The following CACNA2D3 variants were observed in gnomAD, a reference collection of about 807,000 sequenced individuals.
The protein encoded by CACNA2D3 is calcium voltage-gated channel auxiliary subunit alpha2delta 3, also known as voltage-dependent calcium channel subunit alpha-2/delta-3.
CACNA2D3 carries 60 observed loss-of-function variants against 160.6 expected under a neutral mutation model. The observed-to-expected ratio is 0.37, with a 90% CI of 0.30 to 0.46. The LOEUF (loss-of-function observed/expected upper bound fraction) is 0.46. Among genes scored for constraint, CACNA2D3 ranks in the 20% least tolerant of loss-of-function variants. CACNA2D3 has a pLI of 1.00. For synonymous variants in CACNA2D3, 558 were observed against 492.9 expected (o/e 1.13, Z -1.75); for missense variants, 1,205 against 1,365.0 (o/e 0.88, Z 1.85).
intron 11 of CACNA2D3, among the ~76,000 whole-genome samples, chr3:54,716,900 G>C (rs892717124): frequency 3.5e-4 from 45 of 129,442 alleles, no homozygotes; most frequent in African/African-American, 1.0e-3. Context: ...CGCAAAACTT[G>C]TGTGGCACTT....
intron 11 of CACNA2D3, among the ~76,000 whole-genome samples, chr3:54,671,789 T>C (rs1041641028): frequency 6.6e-6 from 1 of 152,076 alleles, no homozygotes; most frequent in African/African-American, 2.4e-5. Flanking sequence ...TGCTTGCAAA[T>C]TGGGAGGTTG....
rs138087137 is a variant in CACNA2D3 at position 54,541,015 on chromosome 3, C to T, written c.545-21785C>T. ...AAGGGAGGCCGAGCGTGGTGGCTCA[C>T]GCCTGTAATCCCAGCACTTTGGGAG... On this transcript the variant is annotated intron_variant, in intron 5 of 37. Transcript: ENST00000474759. 9.6e-3 allele frequency among the ~76,000 whole-genome samples: 1,463 copies of T among 152,144 alleles called. 56 individuals are homozygous for T. In the East Asian group the frequency reaches 0.11, roughly 11 times the overall value.
rs1009077682 is a variant in CACNA2D3, at chr3:55,074,328, C to T, written c.*122C>T. 6.3e-5 allele frequency: 49 copies of T among 783,952 alleles called. No homozygotes were observed. Among genetic ancestry groups the T allele is most frequent in the Non-Finnish European group, 1.0e-4 (45 of 446,694 alleles). 48.6% of individuals were successfully genotyped at this position (783,952 alleles called of 1,614,324 possible). A position where few individuals can be genotyped will look rare whatever the true frequency, so the allele number is the denominator to read the frequency against. On this transcript the variant is annotated 3_prime_UTR_variant, in exon 38 of 38. Coordinates refer to ENST00000474759, the MANE Select transcript of CACNA2D3 (RefSeq NM_018398.3). Reference sequence around the variant, plus strand: ...ATGAATATAGTCCAACCATCAGCATCTCATCATGATTTTAAACTGTGCGTG... The same window carrying T: ...ATGAATATAGTCCAACCATCAGCATTTCATCATGATTTTAAACTGTGCGTG...
intron 2 of CACNA2D3, among the ~76,000 whole-genome samples, chr3:54,311,075 T>C (rs571604166): frequency 6.6e-6 from 1 of 152,258 alleles, no homozygotes; most frequent in South Asian, 2.1e-4. Flanking sequence ...GGCCAGTAAT[T>C]CTAAGCCAAG....
intron 2 of CACNA2D3, among the ~76,000 whole-genome samples, chr3:54,210,538 G>A (rs780590001): frequency 2.0e-5 from 3 of 152,064 alleles, no homozygotes; most frequent in Non-Finnish European, 2.9e-5. Flanking sequence ...TAAGGTCACC[G>A]GACTTCTGCA....
intron 5 of CACNA2D3, among the ~76,000 whole-genome samples, chr3:54,557,663 G>A (rs1702261071): frequency 6.6e-6 from 1 of 152,134 alleles, no homozygotes; most frequent in African/African-American, 2.4e-5. Flanking sequence ...TGTCATTATT[G>A]TATTTGCATC....
chr3:54,147,022 A>G (rs1042449906), intron 2 of CACNA2D3, among the ~76,000 whole-genome samples: 1 of 152,246 alleles, frequency 6.6e-6, no homozygotes, highest in Non-Finnish European at 1.5e-5. Flanking sequence ...TGAGGCTGAT[A>G]ATATCCCTAG....
intron 2 of CACNA2D3, among the ~76,000 whole-genome samples, chr3:54,274,179 A>G (rs529823993): frequency 3.6e-4 from 55 of 151,992 alleles, no homozygotes; most frequent in African/African-American, 1.3e-3. Context: ...AAAATATACA[A>G]ATATATATCT....
chr3:54,432,688 A>G (rs1184390632), intron 4 of CACNA2D3, among the ~76,000 whole-genome samples: 1 of 152,138 alleles, frequency 6.6e-6, no homozygotes, highest in African/African-American at 2.4e-5. Flanking sequence ...GCATATGCAT[A>G]TTGCTGCTGC....
chr3:54,922,046 T>C (rs1198166057), intron 27 of CACNA2D3, among the ~76,000 whole-genome samples: 1 of 152,210 alleles, frequency 6.6e-6, no homozygotes, highest in Non-Finnish European at 1.5e-5. Context: ...ATCCAGGTCT[T>C]ATTACCCCAA....
intron 2 of CACNA2D3, among the ~76,000 whole-genome samples, chr3:54,310,009 T>C (rs1198248766): frequency 6.6e-6 from 1 of 151,974 alleles, no homozygotes; most frequent in Non-Finnish European, 1.5e-5. Flanking sequence ...TCAAATAGTC[T>C]CTTGTTCCTG....
rs567073258 is a variant in CACNA2D3 at position 54,498,013 on chromosome 3, A to G, written c.382-5479A>G. ...TTTAAAATTTTGTTAAGATTTTTGT[A>G]TCTAGGCTTATGAGGGATATTGGCA... On this transcript the variant is annotated intron_variant, in intron 4 of 37. Coordinates refer to ENST00000474759, the MANE Select transcript of CACNA2D3 (RefSeq NM_018398.3). Among the ~76,000 whole-genome samples the G allele has an allele frequency of 1.5e-4, 22 of 150,400 alleles. 1 individual carries two copies. In the South Asian group the frequency reaches 3.6e-3, roughly 24 times the overall value.
At chr3:54,965,012 C>A (rs537123893) in intron 27 of CACNA2D3, among the ~76,000 whole-genome samples, 1 of 152,024 alleles carries the variant, frequency 6.6e-6, no homozygotes, top group Admixed American at 6.6e-5. Context: ...CCTGCCACTT[C>A]GATACTAAAG....
At chr3:54,278,662 G>T (rs1702799229) in intron 2 of CACNA2D3, among the ~76,000 whole-genome samples, 2 of 152,134 alleles carry the variant, frequency 1.3e-5, no homozygotes, top group South Asian at 2.1e-4. Flanking sequence ...CCATAAAAAA[G>T]AATGAGTTCA....
chr3:54,990,080 A>C (rs547145961), intron 31 of CACNA2D3, among the ~76,000 whole-genome samples: 41 of 152,328 alleles, frequency 2.7e-4, no homozygotes, highest in African/African-American at 9.4e-4. Flanking sequence ...CCACCCTCAA[A>C]CATGGGTTAC....
chr3:54,348,223 A>T (rs1010304683), intron 3 of CACNA2D3, among the ~76,000 whole-genome samples: 5 of 152,298 alleles, frequency 3.3e-5, no homozygotes, highest in Admixed American at 6.5e-5. Context: ...TGGATTCAAC[A>T]TAGTCAATTA....
chr3:54,345,638 C>A (rs1355719010), intron 3 of CACNA2D3, among the ~76,000 whole-genome samples: 1 of 152,102 alleles, frequency 6.6e-6, no homozygotes, highest in East Asian at 1.9e-4. Context: ...TCAAGGAGAA[C>A]AGGAAAAGGA....
At chr3:54,663,252 G>A (rs1379374144) in intron 11 of CACNA2D3, among the ~76,000 whole-genome samples, 3 of 152,204 alleles carry the variant, frequency 2.0e-5, no homozygotes, top group Non-Finnish European at 4.4e-5. Context: ...CCTCTCTCTA[G>A]CTGTGTGGGA....
At chr3:54,127,667 C>T (rs537965365) in intron 2 of CACNA2D3, among the ~76,000 whole-genome samples, 1 of 152,334 alleles carries the variant, frequency 6.6e-6, no homozygotes, top group African/African-American at 2.4e-5. Flanking sequence ...TAATTCATAG[C>T]ATTACTTTAA....
Sources: allele counts gnomAD v4.1 joint callset (sites outside exome capture counted in the v4.1 genomes callset), GRCh38; gene constraint gnomAD v4.1.1; transcripts MANE v1.5; gene names NCBI Gene and HGNC (gene_info 2026-07-23, HGNC 2026-07-21).